The following CNTN4 variants were observed in gnomAD, a reference collection of about 807,000 sequenced individuals.
CNTN4 encodes the protein contactin-4.
CNTN4 carries 77 observed loss-of-function variants against 122.5 expected under a neutral mutation model. The observed-to-expected ratio is 0.63, with a 90% confidence interval of 0.52 to 0.76. The LOEUF is 0.76. Among genes scored for constraint, CNTN4 ranks in the 30% least tolerant of loss-of-function variants. The pLI, the probability that CNTN4 is intolerant of heterozygous loss-of-function variation, is 0.00. For missense variants in CNTN4, 1,256 were observed against 1,259.1 expected, an observed-to-expected ratio of 1.00 and a Z score of 0.04; for synonymous variants, 512 against 447.0, an observed-to-expected ratio of 1.15 and a Z score of -1.83.
At chr3:2,540,903 A>G (rs747051209) in intron 3 of CNTN4, among the ~76,000 whole-genome samples, 18 of 152,286 alleles carry the variant, frequency 1.2e-4, no homozygotes, top group Non-Finnish European at 2.2e-4. Flanking sequence ...CAAACTAACA[A>G]TGGAACCAAT....
intron 2 of CNTN4, among the ~76,000 whole-genome samples, chr3:2,180,737 A>C (rs2036977992): frequency 6.6e-6 from 1 of 152,068 alleles, no homozygotes; most frequent in Non-Finnish European, 1.5e-5. Flanking sequence ...TATCACGCAC[A>C]CTTACAGAAA....
At chr3:2,159,627 A>G (rs2035871945) in intron 2 of CNTN4, among the ~76,000 whole-genome samples, 1 of 152,020 alleles carries the variant, frequency 6.6e-6, no homozygotes, top group South Asian at 2.1e-4. Context: ...ATTCCCCTTC[A>G]CTGCTTTCCC....
intron 4 of CNTN4, among the ~76,000 whole-genome samples, chr3:2,719,118 A>G (rs2675287): frequency 2.0e-5 from 3 of 152,160 alleles, no homozygotes; most frequent in Non-Finnish European, 2.9e-5. Context: ...TGTTCAATGA[A>G]GGAAGGGAGG....
At chr3:2,679,657 G>A (rs566979445) in intron 4 of CNTN4, among the ~76,000 whole-genome samples, 19 of 152,260 alleles carry the variant, frequency 1.2e-4, no homozygotes, top group Admixed American at 1.0e-3. Flanking sequence ...GATGAGAAGC[G>A]AGATCCAGTG....
chr3:2,384,477 G>C (rs1384295553), intron 3 of CNTN4, among the ~76,000 whole-genome samples: 5 of 152,190 alleles, frequency 3.3e-5, no homozygotes, highest in Non-Finnish European at 2.9e-5. Context: ...TTTAATGTTA[G>C]AGAATGCCAA....
intron 3 of CNTN4, among the ~76,000 whole-genome samples, chr3:2,566,757 C>T (rs535133762): frequency 3.9e-4 from 60 of 152,272 alleles, no homozygotes; most frequent in African/African-American, 1.4e-3. Flanking sequence ...AACATGTTTA[C>T]AGAGATTAAG....
intron 3 of CNTN4, among the ~76,000 whole-genome samples, chr3:2,531,797 C>G (rs2077607362): frequency 6.6e-6 from 1 of 152,184 alleles, no homozygotes; most frequent in Middle Eastern, 3.4e-3. Flanking sequence ...CTAATGCATG[C>G]AATTTAACAA....
At chr3:2,450,638 A>G (rs569871747) in intron 3 of CNTN4, among the ~76,000 whole-genome samples, 6 of 152,210 alleles carry the variant, frequency 3.9e-5, no homozygotes, top group African/African-American at 1.2e-4. Context: ...AAAAAAAAGA[A>G]CTAAGGAGCC....
chr3:2,664,945 A>T (rs1411676156), intron 4 of CNTN4, among the ~76,000 whole-genome samples: 1 of 152,140 alleles, frequency 6.6e-6, no homozygotes, highest in African/African-American at 2.4e-5. Flanking sequence ...TTTAATCTGT[A>T]TGTCAGTTCT....
At position 2,886,943 on chromosome 3, in the gene CNTN4, A is replaced by C. The variant is rs1489993011; in HGVS notation, c.756-97A>C. ...ATGAATGAAGTTTGCAAAACACCCA[A>C]CCTTATATGTGTAGAACCAAGAAGG... is the stretch of plus-strand genomic sequence containing the variant. On this transcript the variant is annotated intron_variant, in intron 9 of 24. Coordinates refer to ENST00000418658, the MANE Select transcript of CNTN4 (RefSeq NM_175607.3). The C allele has an allele frequency of 4.9e-6, 5 of 1,022,798 alleles. No individual in the cohort carries two copies. The African/African-American group carries it at 8.1e-5, about 17-fold the overall frequency. 63.4% of individuals were successfully genotyped at this position (1,022,798 alleles called of 1,614,324 possible). A position where few individuals can be genotyped will look rare whatever the true frequency, so the allele number is the denominator to read the frequency against.
chr3:2,840,661 T>C (rs112318239), intron 7 of CNTN4, among the ~76,000 whole-genome samples: 31,003 of 140,650 alleles, frequency 0.22, 3,853 homozygotes, highest in South Asian at 0.29. Flanking sequence ...ATCACACCAC[T>C]GCACTCCAGC....
chr3:2,598,290 A>G (rs1328338037), intron 4 of CNTN4, among the ~76,000 whole-genome samples: 1 of 152,210 alleles, frequency 6.6e-6, no homozygotes. Context: ...CACACTCCGT[A>G]AATTGCAGTG....
intron 3 of CNTN4, among the ~76,000 whole-genome samples, chr3:2,441,279 T>C (rs1021758985): frequency 1.3e-5 from 2 of 152,196 alleles, no homozygotes; most frequent in African/African-American, 2.4e-5. Flanking sequence ...TGGACTATGA[T>C]ATGCAGTAAT....
At chr3:2,961,296 C>G (rs1437213876) in intron 13 of CNTN4, among the ~76,000 whole-genome samples, 2 of 149,120 alleles carry the variant, frequency 1.3e-5, no homozygotes, top group African/African-American at 2.5e-5. Flanking sequence ...CCTAGTCCCC[C>G]TCATCACCCC....
chr3:2,667,619 G>T (rs574245205), intron 4 of CNTN4, among the ~76,000 whole-genome samples: 7 of 149,242 alleles, frequency 4.7e-5, no homozygotes, highest in Admixed American at 6.7e-5. Flanking sequence ...GTCAATTTTG[G>T]CTTTTGTTGC....
chr3:2,844,006 C>T (rs2093411082), intron 7 of CNTN4, among the ~76,000 whole-genome samples: 1 of 152,168 alleles, frequency 6.6e-6, no homozygotes, highest in Non-Finnish European at 1.5e-5. Context: ...GGCCATCTGT[C>T]CGTCATTATG....
chr3:2,615,713 A>T (rs2081694519), intron 4 of CNTN4, among the ~76,000 whole-genome samples: 1 of 152,146 alleles, frequency 6.6e-6, no homozygotes, highest in African/African-American at 2.4e-5. Flanking sequence ...CCAGAGTATA[A>T]TTAGAATAAA....
At chr3:2,481,059 T>TTCTTTCTTTCTTTCTC (rs1459922534) in intron 3 of CNTN4, among the ~76,000 whole-genome samples, 10 of 116,810 alleles carry the variant, frequency 8.6e-5, no homozygotes, top group African/African-American at 2.9e-4. Flanking sequence ...CTTTCTTTCT[T>TTCTTTCTTTCTTTCTC]TCTCTCTTTC....
At chr3:2,672,932 A>G (rs1034432359) in intron 4 of CNTN4, among the ~76,000 whole-genome samples, 5 of 152,212 alleles carry the variant, frequency 3.3e-5, no homozygotes, top group East Asian at 1.9e-4. Flanking sequence ...CGAGTGGGCT[A>G]GAGAATCACG....
Sources: gnomAD v4.1 joint callset for allele counts (sites outside exome capture counted in the v4.1 genomes callset) on GRCh38, gnomAD v4.1.1 for gene constraint, MANE v1.5 for transcripts, NCBI Gene and HGNC (gene_info 2026-07-23, HGNC 2026-07-21) for gene names.